Variants in AFG2A observed in about 807,000 individuals in gnomAD.
The protein encoded by AFG2A is AAA ATPase AFG2A, also known as ATPase family gene 2 protein homolog A.
At chr4:123,135,814 C>A in the AFG2A span, among the ~76,000 whole-genome samples, 806 of 152,236 alleles carry the variant, frequency 5.3e-3, 2 homozygotes, top group African/African-American at 0.018. Context: ...ACTAATCCCT[C>A]ATAGATACTG....
At chr4:123,313,616 A>C in the AFG2A span, among the ~76,000 whole-genome samples, 1 of 152,226 alleles carries the variant, frequency 6.6e-6, no homozygotes, top group Non-Finnish European at 1.5e-5. Context: ...AATGCCCTTA[A>C]AAGCAAATGC....
the AFG2A span, chr4:122,979,178 G>T: frequency 6.3e-7 from 1 of 1,575,880 alleles, no homozygotes; most frequent in East Asian, 2.3e-5. Context: ...CATCAATTCA[G>T]TCTGTATTTA....
At chr4:123,311,444 G>A in the AFG2A span, among the ~76,000 whole-genome samples, 1 of 151,948 alleles carries the variant, frequency 6.6e-6, no homozygotes, top group Non-Finnish European at 1.5e-5. Flanking sequence ...TGGCTAATAT[G>A]GTGAAACCCC....
At chr4:123,298,347 T>C in the AFG2A span, among the ~76,000 whole-genome samples, 1 of 152,188 alleles carries the variant, frequency 6.6e-6, no homozygotes, top group Non-Finnish European at 1.5e-5. Flanking sequence ...AAAACTCTCT[T>C]CATCGAGACG....
the AFG2A span, among the ~76,000 whole-genome samples, chr4:123,167,173 A>T: frequency 6.7e-6 from 1 of 148,648 alleles, no homozygotes; most frequent in East Asian, 1.9e-4. Context: ...TATAGTATAT[A>T]TAAGTATATC....
the AFG2A span, among the ~76,000 whole-genome samples, chr4:123,115,432 G>A: frequency 6.6e-6 from 1 of 152,038 alleles, no homozygotes; most frequent in African/African-American, 2.4e-5. Context: ...TGCCAGGTCT[G>A]GGAAGCGGGC....
At chr4:123,279,535 C>T in the AFG2A span, among the ~76,000 whole-genome samples, 1 of 152,168 alleles carries the variant, frequency 6.6e-6, no homozygotes, top group African/African-American at 2.4e-5. Context: ...TGAATCCCAT[C>T]TCTGCCATTT....
chr4:123,121,358 T>C, the AFG2A span, among the ~76,000 whole-genome samples: 1 of 152,096 alleles, frequency 6.6e-6, no homozygotes, highest in East Asian at 1.9e-4. Context: ...ACCGTGTTTA[T>C]TATAAAATCT....
At chr4:123,123,874 C>T in the AFG2A span, among the ~76,000 whole-genome samples, 1 of 148,400 alleles carries the variant, frequency 6.7e-6, no homozygotes, top group Non-Finnish European at 1.5e-5. Context: ...ATGGCGTGAA[C>T]CCGGGAGGCG....
At chr4:122,983,370 T>C in the AFG2A span, among the ~76,000 whole-genome samples, 1 of 152,188 alleles carries the variant, frequency 6.6e-6, no homozygotes, top group Non-Finnish European at 1.5e-5. Flanking sequence ...TTTTGTTCTT[T>C]TTCTATTTCT....
At chr4:123,248,227 C>A in the AFG2A span, among the ~76,000 whole-genome samples, 2 of 152,154 alleles carry the variant, frequency 1.3e-5, no homozygotes, top group African/African-American at 4.8e-5. Context: ...AGTTTACATT[C>A]TTTTTCAATG....
the AFG2A span, among the ~76,000 whole-genome samples, chr4:123,085,751 A>G: frequency 1.3e-5 from 2 of 151,794 alleles, no homozygotes; most frequent in East Asian, 1.9e-4. Context: ...ACTGTTTTCT[A>G]TTAGTCGCCT....
At chr4:123,057,421 T>A in the AFG2A span, 1 of 861,760 alleles carries the variant, frequency 1.2e-6, no homozygotes, top group Middle Eastern at 3.1e-4. Context: ...GTTTTCAGTT[T>A]TTGTAATTTT....
chr4:122,939,650 C>CT, the AFG2A span, among the ~76,000 whole-genome samples: 3 of 150,082 alleles, frequency 2.0e-5, no homozygotes, highest in Non-Finnish European at 4.4e-5. Flanking sequence ...TTTTTTTATA[C>CT]TTTAAGTTTT....
the AFG2A span, among the ~76,000 whole-genome samples, chr4:122,983,646 G>T: frequency 6.6e-5 from 10 of 151,810 alleles, no homozygotes; most frequent in African/African-American, 2.4e-4. Flanking sequence ...TTTCTGGTTT[G>T]TATGATTATG....
chr4:123,286,024 T>C, the AFG2A span, among the ~76,000 whole-genome samples: 4 of 152,190 alleles, frequency 2.6e-5, no homozygotes, highest in African/African-American at 4.8e-5. Context: ...TCACTGTACT[T>C]ATTGTCTTGT....
chr4:123,094,437 G>C, the AFG2A span, among the ~76,000 whole-genome samples: 4 of 152,088 alleles, frequency 2.6e-5, no homozygotes, highest in South Asian at 8.3e-4. Flanking sequence ...TTAGGCCAGA[G>C]AGGAATGGAG....
chr4:123,042,980 C>T, the AFG2A span, among the ~76,000 whole-genome samples: 1 of 152,204 alleles, frequency 6.6e-6, no homozygotes, highest in African/African-American at 2.4e-5. Flanking sequence ...TAACCCTCTT[C>T]ATTTCTTTGT....
chr4:123,210,046 T>G, the AFG2A span, among the ~76,000 whole-genome samples: 1 of 152,168 alleles, frequency 6.6e-6, no homozygotes, highest in African/African-American at 2.4e-5. Context: ...ATTCCCTAAG[T>G]TGATTTATCT....
Sources: allele counts gnomAD v4.1 joint callset (sites outside exome capture counted in the v4.1 genomes callset), GRCh38; gene constraint gnomAD v4.1.1; transcripts MANE v1.5; gene names NCBI Gene and HGNC (gene_info 2026-07-23, HGNC 2026-07-21).